The following DGKI variants were observed in gnomAD, a reference collection of about 807,000 sequenced individuals.
DGKI encodes the protein DAG kinase iota.
DGKI carries 55 observed loss-of-function variants against 147.5 expected under a neutral mutation model. The ratio of observed to expected loss-of-function variants is 0.37; its 90% CI spans 0.30 to 0.47. The LOEUF (loss-of-function observed/expected upper bound fraction) is 0.47. DGKI is among the 20% of genes least tolerant of loss of function. The pLI is 1.00. For synonymous variants in DGKI, 469 were observed against 477.1 expected (o/e 0.98, Z 0.22); for missense variants, 1,007 against 1,323.8 (o/e 0.76, Z 3.71).
chr7:137,642,724 A>C (rs748047676), intron 6 of DGKI, among the ~76,000 whole-genome samples: 6 of 152,176 alleles, frequency 3.9e-5, no homozygotes, highest in Non-Finnish European at 7.3e-5. Context: ...AGCCAAACAC[A>C]TATTTAAGGC....
At chr7:137,588,475 CTTTTT>C (rs71533759) in intron 12 of DGKI, among the ~76,000 whole-genome samples, 7 of 116,718 alleles carry the variant, frequency 6.0e-5, no homozygotes, top group African/African-American at 2.6e-4. Flanking sequence ...CATACCGATG[CTTTTT>C]TTTTTTTTTT....
intron 1 of DGKI, chr7:137,721,863 TG>T: frequency 1.6e-6 from 1 of 632,580 alleles, no homozygotes. Flanking sequence ...TTGGCACACA[TG>T]GTTCCATTTG....
chr7:137,821,732 C>T (rs769599737), intron 1 of DGKI, among the ~76,000 whole-genome samples: 21 of 151,608 alleles, frequency 1.4e-4, no homozygotes, highest in Admixed American at 9.2e-4. Flanking sequence ...TTGGAAGCTG[C>T]GAAGTGAGCT....
chr7:137,463,460 G>A, intron 27 of DGKI, 29 bp downstream of exon 27: 2 of 1,611,654 alleles, frequency 1.2e-6, no homozygotes, highest in Non-Finnish European at 1.7e-6. Flanking sequence ...CAGTGGCACA[G>A]AGGAAAAGAA....
At chr7:137,745,497 A>C (rs1795298324) in intron 1 of DGKI, among the ~76,000 whole-genome samples, 1 of 152,214 alleles carries the variant, frequency 6.6e-6, no homozygotes, top group Admixed American at 6.5e-5. Flanking sequence ...GCATGATAAA[A>C]TTTCACACTG....
intron 1 of DGKI, among the ~76,000 whole-genome samples, chr7:137,782,270 C>T (rs1796541966): frequency 6.6e-6 from 1 of 152,092 alleles, no homozygotes; most frequent in Non-Finnish European, 1.5e-5. Flanking sequence ...GAGAGTGAGA[C>T]CGGCCATTAG....
intron 27 of DGKI, among the ~76,000 whole-genome samples, chr7:137,461,075 C>G (rs935877284): frequency 1.3e-4 from 20 of 152,016 alleles, no homozygotes; most frequent in African/African-American, 4.8e-4. Flanking sequence ...TGCATAGTAC[C>G]CCTATATTGT....
chr7:137,618,501 G>A (rs900724405), intron 8 of DGKI, among the ~76,000 whole-genome samples: 4 of 150,864 alleles, frequency 2.7e-5, no homozygotes, highest in African/African-American at 9.9e-5. Context: ...ACTCTTAAGA[G>A]TAAGGATCAC....
At chr7:137,687,958 T>C (rs1467068006) in intron 2 of DGKI, among the ~76,000 whole-genome samples, 1 of 152,202 alleles carries the variant, frequency 6.6e-6, no homozygotes, top group Non-Finnish European at 1.5e-5. Context: ...TTTTCCCTCA[T>C]TCTGTACTGC....
At chr7:137,391,536 C>T (rs938879381) in intron 32 of DGKI, among the ~76,000 whole-genome samples, 200 bp from the exon 33 acceptor site, 1 of 152,106 alleles carries the variant, frequency 6.6e-6, no homozygotes, top group Non-Finnish European at 1.5e-5. Flanking sequence ...CTTATATGAG[C>T]ATTAAATTGA....
At chr7:137,434,919 C>T (rs1003165470) in intron 28 of DGKI, among the ~76,000 whole-genome samples, 1 of 152,118 alleles carries the variant, frequency 6.6e-6, no homozygotes, top group African/African-American at 2.4e-5. Flanking sequence ...AATATGCTAT[C>T]ATTTTTATTC....
At chr7:137,577,427 C>T (rs1819022524) in intron 16 of DGKI, 143 bp from the exon 17 acceptor site, 1 of 644,448 alleles carries the variant, frequency 1.6e-6, no homozygotes, top group Non-Finnish European at 2.7e-6. Context: ...CAAAGTAAAG[C>T]AGTGCAGTAG....
At chr7:137,807,768 C>G (rs565606734) in intron 1 of DGKI, among the ~76,000 whole-genome samples, 1 of 152,230 alleles carries the variant, frequency 6.6e-6, no homozygotes, top group African/African-American at 2.4e-5. Flanking sequence ...TCCCAGGTGC[C>G]GCTGCTGCTG....
intron 1 of DGKI, among the ~76,000 whole-genome samples, chr7:137,826,956 T>C (rs1798075227): frequency 6.6e-6 from 1 of 152,202 alleles, no homozygotes; most frequent in African/African-American, 2.4e-5. Flanking sequence ...CCTTACTCAA[T>C]CTTTCCCAAA....
intron 1 of DGKI, among the ~76,000 whole-genome samples, chr7:137,843,962 C>T (rs1324858652): frequency 6.6e-6 from 1 of 152,202 alleles, no homozygotes; most frequent in Non-Finnish European, 1.5e-5. Context: ...AGTCCTTTCA[C>T]TCAGACTCCA....
chr7:137,622,650 A>G (rs1268802179), intron 7 of DGKI, among the ~76,000 whole-genome samples: 1 of 152,210 alleles, frequency 6.6e-6, no homozygotes, highest in Non-Finnish European at 1.5e-5. Flanking sequence ...GCATGGCTGC[A>G]TTCCAGTGAA....
intron 1 of DGKI, among the ~76,000 whole-genome samples, chr7:137,720,881 T>C (rs766029782): frequency 7.9e-5 from 12 of 152,192 alleles, no homozygotes; most frequent in Non-Finnish European, 1.6e-4. Flanking sequence ...AAAAGCTTTT[T>C]TACTATCGTC....
chr7:137,557,586 A>G (rs1818268088), intron 19 of DGKI, among the ~76,000 whole-genome samples: 1 of 152,200 alleles, frequency 6.6e-6, no homozygotes, highest in South Asian at 2.1e-4. Context: ...ACAAATATAA[A>G]TATTAGTGGG....
In DGKI at chr7:137,392,266, G is replaced by T. The variant is rs189916082; in HGVS notation, c.3058-930C>A. Among the ~76,000 whole-genome samples, 19 of 152,086 alleles carry T rather than the reference G, an allele frequency of 1.2e-4. No individual in the cohort carries two copies. In the East Asian group the frequency reaches 2.7e-3, roughly 22 times the overall value. ...TATATATTGCTATTTTTTAAATGAG[G>T]CCACTGAATAAGAAGTCAGCAGTAA... On this transcript the variant is annotated intron_variant, in intron 32 of 32. Coordinates refer to ENST00000614521, the MANE Select transcript of DGKI (RefSeq NM_001321708.2).
Sources: gnomAD v4.1 joint callset for allele counts (sites outside exome capture counted in the v4.1 genomes callset) on GRCh38, gnomAD v4.1.1 for gene constraint, MANE v1.5 for transcripts, NCBI Gene and HGNC (gene_info 2026-07-23, HGNC 2026-07-21) for gene names.